The following CD96 variants were observed in gnomAD, a reference collection of about 807,000 sequenced individuals.
The protein encoded by CD96 is CD96 molecule, also known as T-cell surface protein tactile.
CD96 carries 70 observed loss-of-function variants against 71.3 expected under a neutral mutation model. The ratio of observed to expected loss-of-function variants is 0.98; its 90% CI spans 0.81 to 1.20. CD96 has a LOEUF of 1.20. CD96 is among the 50% of genes most tolerant of loss of function. CD96 has a pLI of 0.00. For synonymous variants in CD96, 248 were observed against 233.0 expected (o/e 1.06, Z -0.59); for missense variants, 742 against 677.5 (o/e 1.10, Z -1.06).
intron 14 of CD96, among the ~76,000 whole-genome samples, chr3:111,661,788 A>G (rs1606503): frequency 0.45 from 68,197 of 152,138 alleles, 17,915 homozygotes; most frequent in Non-Finnish European, 0.58. Context: ...TTCACAGGCC[A>G]TCATTGAGTG....
At chr3:111,543,722 T>C (rs1934232633) in intron 1 of CD96, among the ~76,000 whole-genome samples, 1 of 152,064 alleles carries the variant, frequency 6.6e-6, no homozygotes. Flanking sequence ...ATCTCAACCT[T>C]CCAAGCTTCT....
intron 14 of CD96, among the ~76,000 whole-genome samples, chr3:111,665,355 C>T (rs780632486): frequency 6.6e-6 from 1 of 152,000 alleles, no homozygotes; most frequent in African/African-American, 2.4e-5. Context: ...AAGACTGCAA[C>T]CTTTTTACAG....
At position 111,545,312 on chromosome 3, in the gene CD96, T is replaced by C; in HGVS notation, c.328T>C (p.Cys110Arg). 1.2e-6 allele frequency: 2 copies of C among 1,614,138 alleles called. No homozygotes were observed. The highest frequency in any genetic ancestry group is 8.5e-7 in the Non-Finnish European group (1 of 1,179,954). The change falls in exon 2 of 14, where the codon TGT becomes CGT. Residue 110 changes from cysteine to arginine, a missense_variant. Cys to Arg is a radical substitution (Grantham distance 180, BLOSUM62 -3). Transcript: ENST00000352690. Reference sequence around the variant, plus strand: ...GACTCTGCACTTAAGGAATATGTCTTGTTCAGTCAGTGGAAGGTACGAGTG... The same window carrying C: ...GACTCTGCACTTAAGGAATATGTCTCGTTCAGTCAGTGGAAGGTACGAGTG... The part of the protein sequence containing the change: ...KWTLHLRNMS[C>R]SVSGRYECML...
chr3:111,565,431 A>G (rs1935661220), intron 2 of CD96, among the ~76,000 whole-genome samples: 1 of 152,176 alleles, frequency 6.6e-6, no homozygotes, highest in Non-Finnish European at 1.5e-5. Context: ...GACAAAATTT[A>G]CAAAAATGTA....
intron 7 of CD96, among the ~76,000 whole-genome samples, chr3:111,602,805 T>C (rs146173330): frequency 6.6e-6 from 1 of 152,102 alleles, no homozygotes; most frequent in Non-Finnish European, 1.5e-5. Context: ...AGAAGAAAAA[T>C]CTGCCATCCC....
At chr3:111,637,116 A>C in intron 10 of CD96, 80 bp from the exon 11 acceptor site, 1 of 783,358 alleles carries the variant, frequency 1.3e-6, no homozygotes, top group South Asian at 1.4e-5. Context: ...CTTTTTTATA[A>C]TTATTAGATT....
chr3:111,659,459 A>G (rs1181702733), intron 14 of CD96, among the ~76,000 whole-genome samples: 1 of 152,132 alleles, frequency 6.6e-6, no homozygotes. Context: ...GCTAATTTTT[A>G]GATGTTTCTA....
chr3:111,577,759 C>T (rs1936283922), intron 3 of CD96, among the ~76,000 whole-genome samples: 2 of 152,300 alleles, frequency 1.3e-5, no homozygotes, highest in East Asian at 1.9e-4. Context: ...TCTGTTTCTG[C>T]CCATACTTGA....
chr3:111,647,568 T>C lies in CD96; in HGVS notation c.1503T>C (p.Asp501=). Residue 501 remains aspartate (D), a synonymous_variant, in exon 13 of 14, where the codon GAT becomes GAC. Coordinates refer to ENST00000352690, the MANE Select transcript of CD96 (RefSeq NM_005816.5). ...ITGIVVNKPK[D]GMSWPVIVAA... is the part of the protein sequence containing the mutation. ...GTATTGTGGTCAATAAGCCCAAAGA[T>C]GGAATGTCCTGGCCAGTGATTGTAG... The C allele has an allele frequency of 1.2e-6, 2 of 1,612,120 alleles. No individual in the cohort carries two copies. The highest frequency in any genetic ancestry group is 1.7e-6 in the Non-Finnish European group (2 of 1,178,252).
intron 7 of CD96, among the ~76,000 whole-genome samples, chr3:111,602,266 G>T (rs1245759666): frequency 6.6e-6 from 1 of 152,158 alleles, no homozygotes; most frequent in Non-Finnish European, 1.5e-5. Context: ...GTAGAACCAT[G>T]TCTGTAAAAC....
At chr3:111,562,140 C>T (rs1935471467) in intron 2 of CD96, among the ~76,000 whole-genome samples, 2 of 152,350 alleles carry the variant, frequency 1.3e-5, no homozygotes, top group African/African-American at 4.8e-5. Flanking sequence ...CCCAGTACCT[C>T]AGATGGAAAT....
intron 8 of CD96, among the ~76,000 whole-genome samples, chr3:111,613,504 C>T (rs1938064108): frequency 6.6e-6 from 1 of 152,180 alleles, no homozygotes; most frequent in Non-Finnish European, 1.5e-5. Context: ...CCACGTTATC[C>T]TGACCACACA....
At chr3:111,552,620 G>T (rs1375239497) in intron 2 of CD96, among the ~76,000 whole-genome samples, 1 of 151,922 alleles carries the variant, frequency 6.6e-6, no homozygotes, top group Non-Finnish European at 1.5e-5. Context: ...GCATCACAGA[G>T]AATATGTAAA....
At chr3:111,599,428 AG>A (rs1292066268) in intron 6 of CD96, among the ~76,000 whole-genome samples, 1 of 152,160 alleles carries the variant, frequency 6.6e-6, no homozygotes, top group African/African-American at 2.4e-5. Flanking sequence ...ATAGGTTAAA[AG>A]TTATTATAGG....
At chr3:111,642,325 A>G (rs1271320689) in intron 12 of CD96, among the ~76,000 whole-genome samples, 1 of 152,176 alleles carries the variant, frequency 6.6e-6, no homozygotes, top group Non-Finnish European at 1.5e-5. Context: ...TACAACTGAC[A>G]CCACAGAAAT....
chr3:111,545,433 C>T (rs1365721666), intron 2 of CD96, 31 bp downstream of exon 2: 2 of 1,305,010 alleles, frequency 1.5e-6, no homozygotes, highest in South Asian at 2.4e-5. Flanking sequence ...GATGTGCTTT[C>T]ATTCAGCTCT....
At chr3:111,593,616 T>C in intron 5 of CD96, 2 of 1,587,074 alleles carry the variant, frequency 1.3e-6, no homozygotes, top group African/African-American at 2.7e-5. Context: ...TTCTCAGCCC[T>C]CACCTTCCAC....
At chr3:111,594,164 A>G (rs773948251) in intron 5 of CD96, 3 of 1,609,534 alleles carry the variant, frequency 1.9e-6, no homozygotes, top group Admixed American at 1.7e-5. Context: ...TGCCTTCATC[A>G]TTGTTCCCTC....
chr3:111,578,984 C>A, intron 3 of CD96, 43 bp from the exon 4 acceptor site: 1 of 965,252 alleles, frequency 1.0e-6, no homozygotes, highest in Middle Eastern at 2.5e-4. Context: ...TCAGAGCTGG[C>A]ACAGTTGAGG....
Sources: gnomAD v4.1 joint callset for allele counts (sites outside exome capture counted in the v4.1 genomes callset) on GRCh38, gnomAD v4.1.1 for gene constraint, MANE v1.5 for transcripts, NCBI Gene and HGNC (gene_info 2026-07-23, HGNC 2026-07-21) for gene names.